The following CFAP47 variants were observed in gnomAD, a reference collection of about 807,000 sequenced individuals.
The protein encoded by CFAP47 is cilia- and flagella-associated protein 47.
Under a neutral mutation model 148.1 loss-of-function variants are expected in CFAP47, and 29 were observed. That is an observed-to-expected ratio of 0.20 (90% CI 0.15 to 0.27). CFAP47 has a LOEUF of 0.27. Among genes scored for constraint, CFAP47 ranks in the 10% least tolerant of loss-of-function variants. The probability of loss-of-function intolerance (pLI) is 1.00; values close to 1 mark genes in which losing one functional copy is unlikely to be tolerated. For missense variants in CFAP47, 1,872 were observed against 1,697.5 expected (o/e 1.10, Z -1.81); for synonymous variants, 664 against 577.3 (o/e 1.15, Z -2.15).
At chrX:36,302,674 T>C (rs1205710629) in intron 53 of CFAP47, among the ~76,000 whole-genome samples, 2 of 112,061 alleles carry the variant, frequency 1.8e-5, no homozygotes, top group Non-Finnish European at 3.8e-5. Context: ...TTAGAATTGA[T>C]AGTTGAGAAT....
At chrX:35,972,221 A>ATTTC (rs113235076) in intron 13 of CFAP47, among the ~76,000 whole-genome samples, 1 of 108,248 alleles carries the variant, frequency 9.2e-6, no homozygotes, top group South Asian at 4.1e-4. Flanking sequence ...GTTACTCTCT[A>ATTTC]TTTCTTTCTT....
At position 35,967,782 on chromosome X, in the gene CFAP47, C is replaced by T. The variant is rs954947543; in HGVS notation, c.1764C>T (p.Pro588=). 1 of 1,208,561 alleles carries T rather than the reference C, an allele frequency of 8.3e-7. No homozygotes were observed. The highest frequency in any genetic ancestry group is 1.1e-6 in the Non-Finnish European group (1 of 893,779). ...EPVKDMLLAF[P]NDRAATIRSK... ...TGAAGGATATGCTATTAGCCTTTCC[C>T]AATGACCGAGCTGCAACTATCAGGT... Residue 588 remains proline (P), a synonymous_variant, in exon 10 of 64, where the codon CCC becomes CCT. Transcript: ENST00000378653.
intron 62 of CFAP47, among the ~76,000 whole-genome samples, chrX:36,370,737 A>G (rs1177044068): frequency 9.0e-6 from 1 of 111,298 alleles, no homozygotes; most frequent in Non-Finnish European, 1.9e-5. Context: ...GTATATGAAA[A>G]AAAATAGGAT....
chrX:36,210,925 C>T (rs1348826908), intron 45 of CFAP47, among the ~76,000 whole-genome samples: 4 of 112,275 alleles, frequency 3.6e-5, no homozygotes, highest in Non-Finnish European at 5.6e-5. Context: ...GCTACCAAGT[C>T]GTCTTAGCAG....
chrX:36,119,667 A>G (rs1405893270), intron 33 of CFAP47, among the ~76,000 whole-genome samples: 1 of 111,824 alleles, frequency 8.9e-6, no homozygotes, highest in Non-Finnish European at 1.9e-5. Context: ...GTAGAATACA[A>G]CAGTGAATCC....
Position 36,119,669 on chromosome X carries a change from A to G in CFAP47, c.5320+14978A>G, listed in dbSNP as rs761879879. On this transcript the variant is annotated intron_variant, in intron 33 of 63. Coordinates refer to ENST00000378653, the MANE Select transcript of CFAP47 (RefSeq NM_001304548.2). ...CTTTAAGTGTTTGGTAGAATACAAC[A>G]GTGAATCCATCAGGTTCTGGGCTTT... 1.9e-3 allele frequency among the ~76,000 whole-genome samples: 209 copies of G among 111,800 alleles called. 1 individual carries two copies. Among genetic ancestry groups the G allele is most frequent in the Non-Finnish European group, 3.6e-3 (189 of 53,195 alleles).
At chrX:36,312,854 G>A (rs961462178) in intron 56 of CFAP47, among the ~76,000 whole-genome samples, 5 of 111,225 alleles carry the variant, frequency 4.5e-5, no homozygotes, top group Non-Finnish European at 7.6e-5. Flanking sequence ...TTAAACCTGA[G>A]GAGATATGAG....
intron 57 of CFAP47, among the ~76,000 whole-genome samples, chrX:36,333,108 T>G (rs782241680): frequency 9.9e-5 from 11 of 111,628 alleles, no homozygotes; most frequent in Non-Finnish European, 1.5e-4. Context: ...TGTGGAAGCA[T>G]CTTATTATAC....
intron 8 of CFAP47, among the ~76,000 whole-genome samples, chrX:35,960,380 G>GGAAAAAAAAAAAAAAAAAAAAA (rs1227681980): frequency 3.2e-4 from 5 of 15,482 alleles, no homozygotes; most frequent in African/African-American, 1.3e-3. Flanking sequence ...GCTAATTTCT[G>GGAAAAAAAAAAAAAAAAAAAAA]AAAAAAAAAA....
intron 26 of CFAP47, among the ~76,000 whole-genome samples, chrX:36,047,474 G>C (rs1032020809): frequency 8.9e-6 from 1 of 112,104 alleles, no homozygotes; most frequent in Non-Finnish European, 1.9e-5. Flanking sequence ...TCAACATAAT[G>C]ATTTCCCTAC....
At chrX:36,094,145 G>A (rs1342185976) in intron 30 of CFAP47, among the ~76,000 whole-genome samples, 2 of 111,043 alleles carry the variant, frequency 1.8e-5, no homozygotes, top group Admixed American at 1.9e-4. Flanking sequence ...TCCCCAGTGT[G>A]TGTTCCTGGC....
intron 39 of CFAP47, among the ~76,000 whole-genome samples, chrX:36,167,319 C>A: frequency 8.9e-6 from 1 of 111,930 alleles, no homozygotes; most frequent in South Asian, 3.7e-4. Context: ...GGGAAAATAT[C>A]TGATCCATGA....
chrX:36,335,690 G>T (rs1213055710), intron 57 of CFAP47, among the ~76,000 whole-genome samples: 2 of 111,793 alleles, frequency 1.8e-5, no homozygotes, highest in Non-Finnish European at 3.8e-5. Context: ...ATTAGTGGTT[G>T]TAGTAATTCA....
chrX:36,113,745 T>G (rs1411426736), intron 33 of CFAP47, among the ~76,000 whole-genome samples: 2 of 111,487 alleles, frequency 1.8e-5, no homozygotes, highest in East Asian at 5.6e-4. Context: ...AGATTTGGTC[T>G]TTTTATATAA....
At chrX:36,348,610 A>G (rs1475876418) in intron 58 of CFAP47, among the ~76,000 whole-genome samples, 6 of 111,175 alleles carry the variant, frequency 5.4e-5, no homozygotes, top group African/African-American at 2.0e-4. Context: ...TGACATGGAA[A>G]ATAGTGACTG....
At chrX:36,127,490 A>G (rs1453710865) in intron 33 of CFAP47, among the ~76,000 whole-genome samples, 2 of 111,523 alleles carry the variant, frequency 1.8e-5, no homozygotes, top group Admixed American at 1.9e-4. Flanking sequence ...TGTTTTGGTT[A>G]CTGCAGCCTT....
chrX:36,057,808 A>G (rs1185116453), intron 26 of CFAP47, among the ~76,000 whole-genome samples: 8 of 111,581 alleles, frequency 7.2e-5, no homozygotes, highest in Admixed American at 4.8e-4. Context: ...TGTTAGCCCC[A>G]TAATCTTAAT....
intron 35 of CFAP47, chrX:36,144,903 G>T (rs1349886516): frequency 1.1e-6 from 1 of 917,200 alleles, no homozygotes; most frequent in African/African-American, 2.0e-5. Flanking sequence ...CTGCACTGTA[G>T]CTTCCCTGGT....
chrX:36,261,320 CTTTTTTTTTTT>C (rs143068749), intron 49 of CFAP47, among the ~76,000 whole-genome samples: 3 of 20,469 alleles, frequency 1.5e-4, no homozygotes, highest in Non-Finnish European at 2.5e-4. Flanking sequence ...AGATACTATT[CTTTTTTTTTTT>C]TTTTTTTTTT....
Sources: allele counts gnomAD v4.1 joint callset (sites outside exome capture counted in the v4.1 genomes callset), GRCh38; gene constraint gnomAD v4.1.1; transcripts MANE v1.5; gene names NCBI Gene and HGNC (gene_info 2026-07-23, HGNC 2026-07-21).